Variants in GRM8 observed in about 807,000 individuals in gnomAD.
GRM8 encodes the protein glutamate metabotropic receptor 8.
A neutral mutation model predicts 87.2 loss-of-function variants in GRM8; 47 were observed. The observed-to-expected ratio is 0.54, with a 90% CI of 0.43 to 0.69. The LOEUF is 0.69. GRM8 is among the 30% of genes least tolerant of loss of function. The pLI, the probability that GRM8 is intolerant of heterozygous loss-of-function variation, is 0.00. For synonymous variants in GRM8, 396 were observed against 404.5 expected (o/e 0.98, Z 0.25); for missense variants, 1,019 against 1,139.2 (o/e 0.89, Z 1.52).
intron 6 of GRM8, among the ~76,000 whole-genome samples, chr7:126,833,131 CACTT>C (rs756728898): frequency 3.9e-5 from 6 of 152,152 alleles, no homozygotes; most frequent in African/African-American, 9.7e-5. Context: ...GGAATGAAGA[CACTT>C]ACAAGTTTAA....
intron 7 of GRM8, among the ~76,000 whole-genome samples, chr7:126,716,239 T>A (rs1811724999): frequency 6.6e-6 from 1 of 152,072 alleles, no homozygotes; most frequent in Admixed American, 6.6e-5. Flanking sequence ...TTTTTTTTCC[T>A]TACATATAGT....
chr7:126,615,368 A>T (rs1166471332), intron 7 of GRM8, among the ~76,000 whole-genome samples: 1 of 152,178 alleles, frequency 6.6e-6, no homozygotes, highest in Non-Finnish European at 1.5e-5. Context: ...AGAGCTCCTG[A>T]AGGAAGCACT....
intron 6 of GRM8, among the ~76,000 whole-genome samples, chr7:126,893,379 A>G (rs934341468): frequency 2.6e-5 from 4 of 152,002 alleles, no homozygotes; most frequent in African/African-American, 4.8e-5. Context: ...TTTAAAGACA[A>G]ACTATCAGAA....
chr7:126,948,618 A>G (rs546899657), intron 3 of GRM8, among the ~76,000 whole-genome samples: 1 of 151,972 alleles, frequency 6.6e-6, no homozygotes, highest in African/African-American at 2.4e-5. Context: ...AGATGAGAGG[A>G]CCCAGTTAGG....
chr7:126,513,254 G>C (rs1363290535), intron 9 of GRM8, among the ~76,000 whole-genome samples: 1 of 151,944 alleles, frequency 6.6e-6, no homozygotes, highest in African/African-American at 2.4e-5. Context: ...CCTGCAGTAA[G>C]ATCATATTGT....
intron 7 of GRM8, among the ~76,000 whole-genome samples, chr7:126,657,382 G>T (rs763531473): frequency 2.0e-5 from 3 of 152,006 alleles, no homozygotes; most frequent in Non-Finnish European, 2.9e-5. Context: ...ATAGAGCAGT[G>T]GACACTGACA....
chr7:126,623,948 C>G (rs1172161798), intron 7 of GRM8, among the ~76,000 whole-genome samples: 1 of 152,042 alleles, frequency 6.6e-6, no homozygotes, highest in African/African-American at 2.4e-5. Context: ...GTCCCCACCC[C>G]CTGCTCAAAA....
intron 6 of GRM8, among the ~76,000 whole-genome samples, chr7:126,900,080 T>C (rs1357531967): frequency 6.6e-6 from 1 of 152,150 alleles, no homozygotes; most frequent in East Asian, 1.9e-4. Flanking sequence ...TCATCACTCC[T>C]CATCTTTTCT....
chr7:126,733,807 A>G (rs182697443), intron 7 of GRM8, among the ~76,000 whole-genome samples: 9 of 152,118 alleles, frequency 5.9e-5, no homozygotes, highest in African/African-American at 2.2e-4. Context: ...CATTATTTAA[A>G]AATTGCAGTA....
intron 3 of GRM8, among the ~76,000 whole-genome samples, chr7:127,009,780 T>C (rs1241388670): frequency 2.0e-5 from 3 of 152,238 alleles, no homozygotes; most frequent in Non-Finnish European, 4.4e-5. Context: ...GAAGTCATTC[T>C]CCTTTAAATT....
intron 9 of GRM8, among the ~76,000 whole-genome samples, chr7:126,476,305 C>A (rs1470045595): frequency 1.3e-5 from 2 of 152,024 alleles, no homozygotes; most frequent in African/African-American, 4.8e-5. Flanking sequence ...CCTGTAGTTC[C>A]AGCTAAGAGG....
At chr7:126,637,439 CAT>C (rs1355791803) in intron 7 of GRM8, among the ~76,000 whole-genome samples, 5 of 151,868 alleles carry the variant, frequency 3.3e-5, no homozygotes, top group Non-Finnish European at 7.4e-5. Context: ...ATTAAAATGA[CAT>C]ATTCTGTTAT....
intron 6 of GRM8, among the ~76,000 whole-genome samples, chr7:126,813,479 A>T (rs1793490323): frequency 1.3e-5 from 2 of 152,132 alleles, no homozygotes; most frequent in Admixed American, 1.3e-4. Context: ...GACATGAATA[A>T]CTTCCAATGG....
chr7:126,485,627 C>T (rs1584782342), intron 9 of GRM8, among the ~76,000 whole-genome samples: 1 of 151,948 alleles, frequency 6.6e-6, no homozygotes, highest in Non-Finnish European at 1.5e-5. Flanking sequence ...ATAGTATAGA[C>T]ACTGGGTACA....
chr7:126,759,658 T>C (rs1192610669), intron 7 of GRM8, among the ~76,000 whole-genome samples: 1 of 152,162 alleles, frequency 6.6e-6, no homozygotes, highest in Non-Finnish European at 1.5e-5. Flanking sequence ...CTAATCCTTA[T>C]ATGTAGTACT....
chr7:126,563,080 A>G (rs1297402236), intron 8 of GRM8, among the ~76,000 whole-genome samples: 3 of 152,214 alleles, frequency 2.0e-5, no homozygotes, highest in Non-Finnish European at 4.4e-5. Context: ...GCCTGTTATA[A>G]TGAACGTAGT....
intron 2 of GRM8, among the ~76,000 whole-genome samples, chr7:127,162,818 T>A (rs1353935567): frequency 6.6e-6 from 1 of 152,206 alleles, no homozygotes; most frequent in Non-Finnish European, 1.5e-5. Context: ...GATTTATCAA[T>A]GTCTGAGGCT....
At chr7:126,505,721 G>A (rs1052663099) in intron 9 of GRM8, among the ~76,000 whole-genome samples, 9 of 152,016 alleles carry the variant, frequency 5.9e-5, no homozygotes, top group African/African-American at 1.7e-4. Flanking sequence ...AATAAAAACT[G>A]CATATATTCA....
intron 7 of GRM8, among the ~76,000 whole-genome samples, chr7:126,689,013 C>G (rs188760753): frequency 7.2e-4 from 110 of 152,306 alleles, no homozygotes; most frequent in African/African-American, 2.6e-3. Flanking sequence ...TCAGAAAACT[C>G]TGGAAAACAG....
Sources: gnomAD v4.1 joint callset for allele counts (sites outside exome capture counted in the v4.1 genomes callset) on GRCh38, gnomAD v4.1.1 for gene constraint, MANE v1.5 for transcripts, NCBI Gene and HGNC (gene_info 2026-07-23, HGNC 2026-07-21) for gene names.